The following NKAIN2 variants were observed in gnomAD, a reference collection of about 807,000 sequenced individuals.
NKAIN2 encodes sodium/potassium-transporting ATPase subunit beta-1-interacting protein 2.
A neutral mutation model predicts 32.6 loss-of-function variants in NKAIN2; 14 were observed. The ratio of observed to expected loss-of-function variants is 0.43; its 90% CI spans 0.28 to 0.67. The LOEUF (loss-of-function observed/expected upper bound fraction) is 0.67. NKAIN2 is among the 30% of genes least tolerant of loss of function. The pLI is 0.17. For missense variants in NKAIN2, 198 were observed against 258.3 expected, an observed-to-expected ratio of 0.77 and a Z score of 1.60; for synonymous variants, 80 against 87.2, an observed-to-expected ratio of 0.92 and a Z score of 0.46.
chr6:124,636,838 A>C (rs2114335366), intron 3 of NKAIN2, among the ~76,000 whole-genome samples: 1 of 152,150 alleles, frequency 6.6e-6, no homozygotes, highest in Non-Finnish European at 1.5e-5. Context: ...CCAATTATCA[A>C]ACTATTTCAC....
At chr6:124,645,034 G>A (rs1041031342) in intron 3 of NKAIN2, among the ~76,000 whole-genome samples, 2 of 152,102 alleles carry the variant, frequency 1.3e-5, no homozygotes, top group African/African-American at 4.8e-5. Flanking sequence ...AATGATAGCT[G>A]GTTGAAGATA....
intron 1 of NKAIN2, among the ~76,000 whole-genome samples, chr6:123,879,377 T>C (rs1171328674): frequency 6.6e-6 from 1 of 152,236 alleles, no homozygotes; most frequent in Non-Finnish European, 1.5e-5. Flanking sequence ...CTGTCCTGTA[T>C]GTCCTGGCCC....
rs531554373 is a variant in NKAIN2 at position 124,133,106 on chromosome 6, T to G, written c.55-149899T>G. ...ATGAAGGGCCTTGGAGAAGGGGTAC[T>G]TATTCCCTCCAGGTACTCCACTAAA... On this transcript the variant is annotated intron_variant, in intron 1 of 6. Coordinates refer to ENST00000368417, the MANE Select transcript of NKAIN2 (RefSeq NM_001040214.3). 1.2e-3 allele frequency among the ~76,000 whole-genome samples: 185 copies of G among 152,306 alleles called. 1 individual carries two copies. The highest frequency in any genetic ancestry group is 4.3e-3 in the African/African-American group (178 of 41,570).
intron 4 of NKAIN2, among the ~76,000 whole-genome samples, chr6:124,688,023 A>G (rs2114528876): frequency 6.6e-6 from 1 of 151,996 alleles, no homozygotes; most frequent in East Asian, 1.9e-4. Flanking sequence ...ACTAACCATC[A>G]TTATTCATCA....
rs896640208 is a variant in NKAIN2 at position 124,256,764 on chromosome 6, A to G, written c.55-26241A>G. Among the ~76,000 whole-genome samples the G allele has an allele frequency of 3.3e-5, 5 of 152,286 alleles. No homozygotes were observed. The East Asian group carries it at 5.8e-4, about 18-fold the overall frequency. The stretch of plus-strand genomic sequence containing the variant: ...AAGATATTTCTGATACATTGTAAAC[A>G]CTAATAAACAGTAGCAAATAGAATG... On this transcript the variant is annotated intron_variant, in intron 1 of 6. Coordinates refer to ENST00000368417, the MANE Select transcript of NKAIN2 (RefSeq NM_001040214.3).
intron 4 of NKAIN2, among the ~76,000 whole-genome samples, chr6:124,772,938 C>G (rs1356350106): frequency 1.3e-5 from 2 of 152,102 alleles, no homozygotes; most frequent in African/African-American, 4.8e-5. Flanking sequence ...ATGTAACAAA[C>G]AAGCACACAT....
At chr6:124,760,246 A>T (rs1226458403) in intron 4 of NKAIN2, among the ~76,000 whole-genome samples, 1 of 151,926 alleles carries the variant, frequency 6.6e-6, no homozygotes, top group Non-Finnish European at 1.5e-5. Context: ...ACTGGCGTCT[A>T]CTTGAAGCAG....
intron 1 of NKAIN2, among the ~76,000 whole-genome samples, chr6:123,840,201 C>T (rs1386933579): frequency 6.6e-6 from 1 of 152,000 alleles, no homozygotes; most frequent in African/African-American, 2.4e-5. Context: ...TATTTAATTA[C>T]TACTGTTATC....
intron 4 of NKAIN2, among the ~76,000 whole-genome samples, chr6:124,688,014 C>G (rs1418831271): frequency 6.6e-6 from 1 of 151,914 alleles, no homozygotes; most frequent in Non-Finnish European, 1.5e-5. Flanking sequence ...AAACAATTTA[C>G]TAACCATCAT....
chr6:124,318,858 G>A (rs1797064193), intron 2 of NKAIN2, among the ~76,000 whole-genome samples: 1 of 152,098 alleles, frequency 6.6e-6, no homozygotes, highest in South Asian at 2.1e-4. Context: ...AAGAAAAAGA[G>A]ATTCCAAAGT....
intron 1 of NKAIN2, among the ~76,000 whole-genome samples, chr6:123,881,214 A>C (rs571909387): frequency 6.6e-6 from 1 of 152,110 alleles, no homozygotes; most frequent in Non-Finnish European, 1.5e-5. Context: ...TAGAGACGGG[A>C]TTTCACCATG....
intron 3 of NKAIN2, among the ~76,000 whole-genome samples, chr6:124,364,854 A>G (rs1321502850): frequency 6.6e-6 from 1 of 152,024 alleles, no homozygotes; most frequent in African/African-American, 2.4e-5. Context: ...AACAATAGCA[A>G]TAAAATATTT....
At chr6:124,229,982 A>G (rs774428150) in intron 1 of NKAIN2, among the ~76,000 whole-genome samples, 2 of 152,194 alleles carry the variant, frequency 1.3e-5, no homozygotes, top group Non-Finnish European at 2.9e-5. Context: ...GAACTGGGTA[A>G]GAGGGAGAGG....
At chr6:123,903,439 A>G (rs1162281022) in intron 1 of NKAIN2, among the ~76,000 whole-genome samples, 3 of 152,188 alleles carry the variant, frequency 2.0e-5, no homozygotes, top group Non-Finnish European at 2.9e-5. Flanking sequence ...ATTTTATGGT[A>G]TGCTTTATAA....
intron 1 of NKAIN2, among the ~76,000 whole-genome samples, chr6:124,233,785 G>T (rs1358794439): frequency 6.6e-6 from 1 of 152,102 alleles, no homozygotes; most frequent in Non-Finnish European, 1.5e-5. Flanking sequence ...CAAAAATTCT[G>T]CAGTAACAAG....
intron 5 of NKAIN2, among the ~76,000 whole-genome samples, chr6:124,803,727 A>C (rs1013895829): frequency 3.3e-5 from 5 of 152,068 alleles, no homozygotes; most frequent in African/African-American, 1.2e-4. Flanking sequence ...TCTATATAAA[A>C]TTTTAGTAAA....
chr6:124,426,455 G>T (rs1182469059), intron 3 of NKAIN2, among the ~76,000 whole-genome samples: 1 of 151,880 alleles, frequency 6.6e-6, no homozygotes, highest in Non-Finnish European at 1.5e-5. Context: ...CTTGTATCCA[G>T]AATAAGTAAA....
chr6:124,507,913 A>T (rs1056663446), intron 3 of NKAIN2, among the ~76,000 whole-genome samples: 3 of 152,196 alleles, frequency 2.0e-5, no homozygotes, highest in Non-Finnish European at 4.4e-5. Flanking sequence ...TTTAGGAAAC[A>T]GACTCAAGAA....
At chr6:124,668,119 G>C (rs1772900612) in intron 4 of NKAIN2, among the ~76,000 whole-genome samples, 1 of 152,134 alleles carries the variant, frequency 6.6e-6, no homozygotes, top group East Asian at 1.9e-4. Context: ...CAGTGGCCCT[G>C]AGAGTCAAGG....
Sources: allele counts gnomAD v4.1 joint callset (sites outside exome capture counted in the v4.1 genomes callset), GRCh38; gene constraint gnomAD v4.1.1; transcripts MANE v1.5; gene names NCBI Gene and HGNC (gene_info 2026-07-23, HGNC 2026-07-21).